TTC7B: variants seen among roughly 807,000 people sequenced by gnomAD.
The protein encoded by TTC7B is tetratricopeptide repeat protein 7B.
Under a neutral mutation model 106.8 loss-of-function variants are expected in TTC7B, and 28 were observed. The ratio of observed to expected loss-of-function variants is 0.26; its 90% CI spans 0.19 to 0.36. The LOEUF is 0.36. Ranked by LOEUF, TTC7B falls within the 10% of genes least tolerant of loss-of-function variation. The pLI, the probability that TTC7B is intolerant of heterozygous loss-of-function variation, is 1.00. For missense variants in TTC7B, 862 were observed against 1,076.4 expected (o/e 0.80, Z 2.79); for synonymous variants, 405 against 430.6 (o/e 0.94, Z 0.74).
intron 2 of TTC7B, among the ~76,000 whole-genome samples, chr14:90,784,310 C>A (rs1478109652): frequency 2.0e-5 from 3 of 152,238 alleles, no homozygotes; most frequent in African/African-American, 7.2e-5. Context: ...GTAATCCCAG[C>A]ACTTTGGGAG....
chr14:90,781,179 A>G (rs1378002470), intron 2 of TTC7B, among the ~76,000 whole-genome samples: 1 of 152,240 alleles, frequency 6.6e-6, no homozygotes, highest in Non-Finnish European at 1.5e-5. Flanking sequence ...CCCTAAAAAC[A>G]TGATGCCAAG....
chr14:90,713,178 C>A (rs922660734), intron 5 of TTC7B, among the ~76,000 whole-genome samples: 1 of 152,104 alleles, frequency 6.6e-6, no homozygotes, highest in Non-Finnish European at 1.5e-5. Context: ...TACAGTAGAG[C>A]AATCTCGGCT....
chr14:90,709,600 TG>T (rs1888358210), intron 5 of TTC7B, among the ~76,000 whole-genome samples: 1 of 151,032 alleles, frequency 6.6e-6, no homozygotes, highest in Non-Finnish European at 1.5e-5. Flanking sequence ...GACGAGTTAA[TG>T]GGTGCAGCAC....
chr14:90,781,038 G>A (rs570785239), intron 2 of TTC7B, 132 bp from the exon 3 acceptor site: 3 of 782,014 alleles, frequency 3.8e-6, no homozygotes, highest in Non-Finnish European at 4.1e-6. Context: ...AATGTTCTGA[G>A]CAGTGTTATC....
At chr14:90,647,127 G>A (rs2277512) in intron 13 of TTC7B, 104 bp from the exon 14 acceptor site, 518,158 of 906,734 alleles carry the variant, frequency 0.57, 151,163 homozygotes, top group East Asian at 0.8. Flanking sequence ...CTAAGGGCCC[G>A]TATTTATTTA....
At chr14:90,796,995 A>G (rs1303793654) in intron 1 of TTC7B, among the ~76,000 whole-genome samples, 11 of 150,816 alleles carry the variant, frequency 7.3e-5, no homozygotes, top group Non-Finnish European at 3.0e-5. Context: ...ACAGGCGCGC[A>G]CCACCACACC....
chr14:90,625,692 A>G (rs957615869), intron 15 of TTC7B, among the ~76,000 whole-genome samples: 2 of 152,244 alleles, frequency 1.3e-5, no homozygotes, highest in Non-Finnish European at 2.9e-5. Context: ...GGGATGAGAA[A>G]GGATGGAACA....
At position 90,578,278 on chromosome 14, in the gene TTC7B, G is replaced by T. The variant is rs1418387605; in HGVS notation, c.2138C>A (p.Ala713Glu). The T allele has an allele frequency of 6.2e-7, 1 of 1,614,184 alleles. No homozygotes were observed. The highest frequency in any genetic ancestry group is 8.5e-7 in the Non-Finnish European group (1 of 1,180,040). The change falls in exon 19 of 20, where the codon GCA becomes GAA. Residue 713 changes from alanine (A) to glutamate (E), a missense_variant. Physicochemically the swap from Ala to Glu is moderately radical, Grantham distance 107. Coordinates refer to ENST00000328459, the MANE Select transcript of TTC7B (RefSeq NM_001010854.2). The surrounding 1 kb of genome is among the most constrained non-coding windows in gnomAD (Gnocchi z 4.7). ...TTCTTGGGTACAGGCTGTGGCTTCTGCAGGCTTCCCGATGCCGATATAGAC... is the reference window on the plus strand; with the variant it reads ...TTCTTGGGTACAGGCTGTGGCTTCTTCAGGCTTCCCGATGCCGATATAGAC... ...AEVYIGIGKP[A>E]EATACTQEAA...
intron 2 of TTC7B, among the ~76,000 whole-genome samples, chr14:90,783,873 G>T (rs1273537840): frequency 6.6e-6 from 1 of 152,036 alleles, no homozygotes; most frequent in Non-Finnish European, 1.5e-5. Context: ...GGAGGTGGAG[G>T]TTGCAGTGAG....
At chr14:90,666,051 G>A (rs1477323330) in intron 9 of TTC7B, among the ~76,000 whole-genome samples, 2 of 152,114 alleles carry the variant, frequency 1.3e-5, no homozygotes, top group African/African-American at 2.4e-5. Flanking sequence ...TACAGATATC[G>A]AAACTAAGAC....
At chr14:90,727,915 C>G (rs1228964278) in intron 5 of TTC7B, among the ~76,000 whole-genome samples, 1 of 152,160 alleles carries the variant, frequency 6.6e-6, no homozygotes, top group Admixed American at 6.5e-5. Flanking sequence ...TGCTTAGGGA[C>G]AGCAGTTACC....
In TTC7B at chr14:90,730,148, G is replaced by T. The variant is rs267604085; in HGVS notation, c.625C>A (p.Pro209Thr). 6.2e-7 allele frequency: 1 copy of T among 1,613,906 alleles called. No individual in the cohort carries two copies. Among genetic ancestry groups the T allele is most frequent in the Non-Finnish European group, 8.5e-7 (1 of 1,179,934 alleles). ...QNRSPKPGPAPHDQELGFFLE... is the reference protein window; with the variant it reads ...QNRSPKPGPATHDQELGFFLE... ...AAAAAACCTAGTTCTTGATCGTGGG[G>T]AGCAGGGCCAGGCTTAGGGCTTCTG... The change falls in exon 5 of 20, where the codon CCC becomes ACC. Residue 209 changes from proline (P) to threonine (T), a missense_variant. Transcript: ENST00000328459.
At chr14:90,623,937 T>C (rs762103996) in intron 15 of TTC7B, among the ~76,000 whole-genome samples, 1 of 152,088 alleles carries the variant, frequency 6.6e-6, no homozygotes, top group Non-Finnish European at 1.5e-5. Flanking sequence ...AGAAGAATTG[T>C]TTGGACCCAG....
chr14:90,664,007 C>T (rs1187611025), intron 9 of TTC7B, among the ~76,000 whole-genome samples: 1 of 152,160 alleles, frequency 6.6e-6, no homozygotes, highest in Non-Finnish European at 1.5e-5. Context: ...CCCTAAGCAG[C>T]TCAGGTCAAC....
chr14:90,785,338 A>G (rs1279020207), intron 2 of TTC7B, among the ~76,000 whole-genome samples: 1 of 152,168 alleles, frequency 6.6e-6, no homozygotes, highest in Admixed American at 6.5e-5. Context: ...AGAAGTCATC[A>G]AAGTTAAAAG....
chr14:90,569,585 T>C (rs1418363220), intron 19 of TTC7B: 1 of 152,230 alleles, frequency 6.6e-6, no homozygotes, highest in Non-Finnish European at 1.5e-5. Context: ...ATCATTTTGG[T>C]TTCTGGTTGG....
At chr14:90,573,640 G>T (rs527886291) in intron 19 of TTC7B, among the ~76,000 whole-genome samples, 1 of 135,996 alleles carries the variant, frequency 7.4e-6, no homozygotes, top group Non-Finnish European at 1.6e-5. Context: ...GGTCCCTTTC[G>T]GGCTCATGGT....
At chr14:90,674,936 G>C (rs917547749) in intron 9 of TTC7B, among the ~76,000 whole-genome samples, 1 of 152,194 alleles carries the variant, frequency 6.6e-6, no homozygotes, top group Admixed American at 6.5e-5. Flanking sequence ...TGACCACCAC[G>C]AGGTGGGAGC....
At chr14:90,568,994 T>TC (rs992561567) in intron 19 of TTC7B, among the ~76,000 whole-genome samples, 89 of 152,170 alleles carry the variant, frequency 5.8e-4, no homozygotes, top group African/African-American at 2.1e-3. Flanking sequence ...CACCAGTACC[T>TC]CCCCCCACTC....
Sources: allele counts gnomAD v4.1 joint callset (sites outside exome capture counted in the v4.1 genomes callset), GRCh38; gene constraint gnomAD v4.1.1; non-coding constraint Gnocchi (gnomAD v3.1); transcripts MANE v1.5; gene names NCBI Gene and HGNC (gene_info 2026-07-23, HGNC 2026-07-21).